CES1: variants seen among roughly 807,000 people sequenced by gnomAD.
CES1 encodes the protein liver carboxylesterase 1.
In CES1, 50 loss-of-function variants were observed where a neutral mutation model predicts 53.0. That is an observed-to-expected ratio of 0.94 (90% CI 0.75 to 1.19). CES1 has a LOEUF of 1.19. Ranked by LOEUF, CES1 falls within the 50% of genes most tolerant of loss-of-function variation. The pLI, the probability that CES1 is intolerant of heterozygous loss-of-function variation, is 0.00. For missense variants in CES1, 534 were observed against 538.0 expected, an observed-to-expected ratio of 0.99 and a Z score of 0.07; for synonymous variants, 202 against 210.1, an observed-to-expected ratio of 0.96 and a Z score of 0.33.
intron 4 of CES1, 40 bp from the exon 5 acceptor site, chr16:55,821,561 T>A (rs1413725730): frequency 1.9e-6 from 3 of 1,612,866 alleles, no homozygotes; most frequent in Non-Finnish European, 2.5e-6. Context: ...GGAGCAGAGA[T>A]GTCATGCAGG....
intron 1 of CES1, among the ~76,000 whole-genome samples, chr16:55,829,304 G>A (rs4784589): frequency 0.023 from 3,476 of 152,042 alleles, no homozygotes; most frequent in Non-Finnish European, 0.036. Flanking sequence ...GCACTGAGCC[G>A]CATGCTGGAT....
chr16:55,823,491 G>A (rs1341237223), intron 4 of CES1, 59 bp downstream of exon 4: 2 of 1,605,446 alleles, frequency 1.2e-6, no homozygotes, highest in Admixed American at 1.7e-5. Flanking sequence ...GACAAGAGCT[G>A]GGTCCTAGCA....
intron 9 of CES1, among the ~76,000 whole-genome samples, chr16:55,811,986 G>T (rs186814976): frequency 3.7e-4 from 56 of 152,308 alleles, no homozygotes; most frequent in African/African-American, 1.3e-3. Context: ...AGACATCCAG[G>T]TGGTCTAGTC....
rs1223684403 is a variant in CES1, at chr16:55,822,507, A to G, written c.540-986T>C. Among the ~76,000 whole-genome samples, 4 of 152,026 alleles carry G rather than the reference A, an allele frequency of 2.6e-5. No homozygotes were observed. The South Asian group carries it at 6.2e-4, about 24-fold the overall frequency. ...CTGAGTGGAGGCGTGGTGGGAGGAG[A>G]AGGGGGTCTCTGTTGGGGAGGGGCA... On this transcript the variant is annotated intron_variant, in intron 4 of 13. Coordinates refer to ENST00000360526, the MANE Select transcript of CES1 (RefSeq NM_001025195.2).
rs201793886 is a variant in CES1, at chr16:55,822,945, AAGG to A, written c.539+602_539+604del. On this transcript the variant is annotated intron_variant, in intron 4 of 13. Coordinates refer to ENST00000360526, the MANE Select transcript of CES1 (RefSeq NM_001025195.2). ...AAAGGTTCATAGCAGTTGCGCCTTG[AAGG>A]AGATCTGACTCCTGTCCCCATGGAG... Among the ~76,000 whole-genome samples the A allele has an allele frequency of 9.5e-3, 1,449 of 152,142 alleles. 23 individuals carry two copies. The highest frequency in any genetic ancestry group is 0.034 in the African/African-American group (1,393 of 41,442).
chr16:55,822,769 TCACAGA>T (rs1567502737), intron 4 of CES1, among the ~76,000 whole-genome samples: 1 of 151,992 alleles, frequency 6.6e-6, no homozygotes, highest in Non-Finnish European at 1.5e-5. Flanking sequence ...AGGAAGCATG[TCACAGA>T]GGCTGAGTGG....
chr16:55,815,848 A>G (rs2031918782), intron 8 of CES1, among the ~76,000 whole-genome samples: 1 of 152,328 alleles, frequency 6.6e-6, no homozygotes, highest in Admixed American at 6.5e-5. Flanking sequence ...TCTGTTCAAA[A>G]CCTCCAAAGG....
At chr16:55,822,457 C>A (rs1413564829) in intron 4 of CES1, among the ~76,000 whole-genome samples, 1 of 152,120 alleles carries the variant, frequency 6.6e-6, no homozygotes, top group Non-Finnish European at 1.5e-5. Flanking sequence ...TCTCCTGAGC[C>A]CAAGGGAGGA....
chr16:55,821,688 T>G lies in CES1; in HGVS notation c.540-167A>C, dbSNP rs2032205120. Among the ~76,000 whole-genome samples, 3 of 152,328 alleles carry G rather than the reference T, an allele frequency of 2.0e-5. No homozygotes were observed. The South Asian group carries it at 6.2e-4, about 32-fold the overall frequency. On this transcript the variant is annotated intron_variant, in intron 4 of 13. Transcript: ENST00000360526. Reference sequence around the variant, plus strand: ...GTACAGCATTGTGGTGATGTATGGTTCTACATTCACACAACTGGCAACTAT... The same window carrying G: ...GTACAGCATTGTGGTGATGTATGGTGCTACATTCACACAACTGGCAACTAT...
chr16:55,808,524 T>G (rs1476054155), intron 11 of CES1, among the ~76,000 whole-genome samples: 1 of 151,982 alleles, frequency 6.6e-6, no homozygotes, highest in East Asian at 1.9e-4. Context: ...GAAAGAGAAT[T>G]AAGAAATCCA....
intron 11 of CES1, among the ~76,000 whole-genome samples, chr16:55,808,166 C>G (rs1397466589): frequency 1.7e-5 from 2 of 115,244 alleles, no homozygotes; most frequent in Non-Finnish European, 3.5e-5. Context: ...GCCTTTGCCC[C>G]TCGAACATTT....
At chr16:55,826,719 G>A (rs534424910) in intron 2 of CES1, among the ~76,000 whole-genome samples, 10 of 152,270 alleles carry the variant, frequency 6.6e-5, no homozygotes, top group South Asian at 2.1e-4. Flanking sequence ...TACACTCTGC[G>A]TCCCAATCCG....
In CES1 at chr16:55,828,862, A is replaced by G; in HGVS notation, c.165T>C (p.Pro55=). The G allele has an allele frequency of 6.2e-7, 1 of 1,614,266 alleles. No individual in the cohort carries two copies. Among genetic ancestry groups the G allele is most frequent in the African/African-American group, 1.3e-5 (1 of 75,082 alleles). ...GGGGTCCAAGAGGCGGCTTGGCAAA[A>G]GGGATTCCCAGGAAAATGGCCACAG... ...AQPVAIFLGI[P]FAKPPLGPLR... is the part of the protein sequence containing the mutation. The change falls in exon 2 of 14, where the codon CCT becomes CCC. Residue 55 remains proline, a synonymous_variant. Transcript: ENST00000360526.
At chr16:55,825,436 C>T (rs544023452) in intron 3 of CES1, among the ~76,000 whole-genome samples, 7 of 152,334 alleles carry the variant, frequency 4.6e-5, no homozygotes, top group Admixed American at 6.5e-5. Flanking sequence ...CCATGTCCTG[C>T]CCTTCATTTA....
intron 7 of CES1, among the ~76,000 whole-genome samples, chr16:55,817,882 G>T (rs1332916217): frequency 6.6e-6 from 1 of 152,160 alleles, no homozygotes; most frequent in Non-Finnish European, 1.5e-5. Context: ...CTTAGGGATG[G>T]GTTTTCCCAA....
chr16:55,821,528 G>A lies in CES1; in HGVS notation c.540-7C>T. On this transcript the variant is annotated splice_region_variant and splice_polypyrimidine_tract_variant and intron_variant, in intron 4 of 13. Coordinates refer to ENST00000360526, the MANE Select transcript of CES1 (RefSeq NM_001025195.2). ...GCTGTGTTCATCCCCTGTGCTGTGA[G>A]GAAGAGAACAGGTTGAGGGTGGGGA... The A allele has an allele frequency of 6.2e-7, 1 of 1,614,168 alleles. No homozygotes were observed. Among genetic ancestry groups the A allele is most frequent in the Non-Finnish European group, 8.5e-7 (1 of 1,180,022 alleles).
intron 4 of CES1, among the ~76,000 whole-genome samples, chr16:55,822,186 C>T (rs1597082312): frequency 6.6e-6 from 1 of 152,330 alleles, no homozygotes; most frequent in African/African-American, 2.4e-5. Flanking sequence ...CATGGGAAGC[C>T]CCTGCAGGGT....
At position 55,819,552 on chromosome 16, in the gene CES1, C is replaced by T; in HGVS notation, c.889G>A (p.Glu297Lys). 6.2e-7 allele frequency: 1 copy of T among 1,613,914 alleles called. No individual in the cohort carries two copies. Among genetic ancestry groups the T allele is most frequent in the Non-Finnish European group, 8.5e-7 (1 of 1,179,854 alleles). The change falls in exon 7 of 14, where the codon GAG becomes AAG. Residue 297 changes from glutamate (E) to lysine (K), a missense_variant. Coordinates refer to ENST00000360526, the MANE Select transcript of CES1 (RefSeq NM_001025195.2). ...CAACCTACCATTTTCAATGTCGTCT[C>T]CAAGAGCTCCTCTTCCGTCTTCTGT... ...LRQKTEEELL[E>K]TTLKMKFLSL...
chr16:55,820,127 GCT>G (rs2032111267), intron 6 of CES1: 1 of 583,340 alleles, frequency 1.7e-6, no homozygotes, highest in African/African-American at 1.9e-5. Context: ...TGGAGTCCCA[GCT>G]CTGCCCTGAT....
Sources: gnomAD v4.1 joint callset for allele counts (sites outside exome capture counted in the v4.1 genomes callset) on GRCh38, gnomAD v4.1.1 for gene constraint, MANE v1.5 for transcripts, NCBI Gene and HGNC (gene_info 2026-07-23, HGNC 2026-07-21) for gene names.